RAP1GAP2: variants seen among roughly 807,000 people sequenced by gnomAD.
The protein encoded by RAP1GAP2 is RAP1 GTPase activating protein 2, also known as rap1 GTPase-activating protein 2.
In RAP1GAP2, 27 loss-of-function variants were observed where a neutral mutation model predicts 95.0. The ratio of observed to expected loss-of-function variants is 0.28; its 90% CI spans 0.21 to 0.39. The LOEUF (loss-of-function observed/expected upper bound fraction) is 0.39. Among genes scored for constraint, RAP1GAP2 ranks in the 10% least tolerant of loss-of-function variants. The pLI, the probability that RAP1GAP2 is intolerant of heterozygous loss-of-function variation, is 1.00. For synonymous variants in RAP1GAP2, 373 were observed against 380.9 expected (o/e 0.98, Z 0.24); for missense variants, 771 against 970.0 (o/e 0.79, Z 2.72).
intron 8 of RAP1GAP2, among the ~76,000 whole-genome samples, chr17:2,971,711 G>C (rs1321069025): frequency 1.3e-5 from 2 of 152,112 alleles, no homozygotes; most frequent in East Asian, 3.8e-4. Flanking sequence ...AAATTATTGA[G>C]TGCTTACATG....
intron 12 of RAP1GAP2, 22 bp from the exon 13 acceptor site, chr17:2,995,315 T>C: frequency 9.9e-6 from 16 of 1,611,542 alleles, no homozygotes; most frequent in Non-Finnish European, 1.4e-5. Flanking sequence ...TCTCCCCATC[T>C]CCTGCCCTGT....
At chr17:3,025,624 G>C (rs945991254) in intron 19 of RAP1GAP2, among the ~76,000 whole-genome samples, 3 of 152,128 alleles carry the variant, frequency 2.0e-5, no homozygotes, top group Non-Finnish European at 4.4e-5. Flanking sequence ...CCTGCGGTGG[G>C]GGCGGATGTC....
At chr17:2,874,950 CAGAG>C (rs887669832) in intron 2 of RAP1GAP2, among the ~76,000 whole-genome samples, 31 of 152,150 alleles carry the variant, frequency 2.0e-4, no homozygotes, top group African/African-American at 7.0e-4. Context: ...GAGAAAGAAA[CAGAG>C]AGAAAATTAA....
intron 2 of RAP1GAP2, among the ~76,000 whole-genome samples, chr17:2,829,345 G>A (rs1050303068): frequency 6.6e-6 from 1 of 152,070 alleles, no homozygotes; most frequent in South Asian, 2.1e-4. Flanking sequence ...TCAGGAAGGT[G>A]CTGTTTCTCA....
chr17:3,019,872 A>C (rs1231382929), intron 18 of RAP1GAP2, among the ~76,000 whole-genome samples: 1 of 152,044 alleles, frequency 6.6e-6, no homozygotes. Context: ...CCCTCCTCAA[A>C]CCCCCACCAC....
At chr17:2,894,578 G>T (rs1368443657) in intron 2 of RAP1GAP2, among the ~76,000 whole-genome samples, 1 of 151,984 alleles carries the variant, frequency 6.6e-6, no homozygotes, top group African/African-American at 2.4e-5. Flanking sequence ...TCCCATTTGG[G>T]TGTCCCAGGG....
At chr17:2,878,604 T>C (rs12103483) in intron 2 of RAP1GAP2, among the ~76,000 whole-genome samples, 3,958 of 152,266 alleles carry the variant, frequency 0.026, 178 homozygotes, top group African/African-American at 0.088. Context: ...CAGGGGTTTC[T>C]CTCGCTGGTT....
rs544283155 is a variant in RAP1GAP2, at chr17:2,756,283, G to T, written c.50+516G>T. ...GGGGTGTGCACTCTGGGGACAGGGC[G>T]CAGAGAAGGGGGCCTAGGAGACCAG... On this transcript the variant is annotated intron_variant, in intron 1 of 25. Transcript: ENST00000637138. Among the ~76,000 whole-genome samples, 3 of 152,364 alleles carry T rather than the reference G, an allele frequency of 2.0e-5. No individual in the cohort carries two copies. In the South Asian group the frequency reaches 6.2e-4, roughly 32 times the overall value.
Position 2,825,468 on chromosome 17 carries a change from C to T in RAP1GAP2, c.80+24918C>T, listed in dbSNP as rs1475737666. On this transcript the variant is annotated intron_variant, in intron 2 of 24. Coordinates refer to ENST00000254695, the MANE Select transcript of RAP1GAP2 (RefSeq NM_015085.5). This position sits in a 1 kb window ranked among gnomAD's most constrained non-coding sequence, Gnocchi z 4.1. ...AGGAGAAATGAAGCTGTTTGTTTAT[C>T]TGATGAATATTCATCGAGCTCCTAT... Among the ~76,000 whole-genome samples, 1 of 152,134 alleles carries T rather than the reference C, an allele frequency of 6.6e-6. No homozygotes were observed. Among genetic ancestry groups the T allele is most frequent in the Non-Finnish European group, 1.5e-5 (1 of 68,034 alleles).
At chr17:2,777,581 T>G (rs2068532617) in intron 1 of RAP1GAP2, among the ~76,000 whole-genome samples, 1 of 151,892 alleles carries the variant, frequency 6.6e-6, no homozygotes, top group African/African-American at 2.4e-5. Flanking sequence ...GTGTAGACTG[T>G]CCTCTGGCTT....
At chr17:2,771,925 C>T (rs1053584503) in intron 2 of RAP1GAP2, among the ~76,000 whole-genome samples, 8 of 152,112 alleles carry the variant, frequency 5.3e-5, no homozygotes, top group African/African-American at 1.9e-4. Flanking sequence ...GAAATAGAGT[C>T]TCACTGTGTT....
chr17:2,765,709 C>G (rs1159754304), intron 1 of RAP1GAP2, among the ~76,000 whole-genome samples: 1 of 151,672 alleles, frequency 6.6e-6, no homozygotes, highest in Non-Finnish European at 1.5e-5. Flanking sequence ...CGCCACTGCA[C>G]CCCAGACTGG....
intron 2 of RAP1GAP2, among the ~76,000 whole-genome samples, chr17:2,863,621 T>G (rs1220869139): frequency 6.6e-6 from 1 of 152,186 alleles, no homozygotes; most frequent in Non-Finnish European, 1.5e-5. Context: ...CTGAATGCTG[T>G]GTGGCAGGAT....
intron 4 of RAP1GAP2, 75 bp from the exon 5 acceptor site, chr17:2,962,595 G>A (rs2044386050): frequency 6.9e-7 from 1 of 1,453,114 alleles, no homozygotes; most frequent in Non-Finnish European, 9.4e-7. Flanking sequence ...CCCCCTGTAA[G>A]GCCAGGTGCT....
At position 2,904,530 on chromosome 17, in the gene RAP1GAP2, C is replaced by CTGTGTG. The variant is rs5818880; in HGVS notation, c.81-720_81-715dup. 0.25 allele frequency among the ~76,000 whole-genome samples: 31,958 copies of CTGTGTG among 128,920 alleles called. 4,625 individuals are homozygous for CTGTGTG. The highest frequency in any genetic ancestry group is 0.32 in the African/African-American group (11,137 of 35,040). The allele number at this position is 128,920 out of a possible 152,430, so 84.6% of individuals were successfully genotyped here. On this transcript the variant is annotated intron_variant, in intron 2 of 24. Transcript: ENST00000254695. This position sits in a 1 kb window ranked among gnomAD's most constrained non-coding sequence, Gnocchi z 4.7. Reference sequence around the variant, plus strand: ...CCGAGGACAGCTTTTTGACCAGGGCCTGTGTGTGTGTGTGTGTGTGTGTGT... The same window carrying CTGTGTG: ...CCGAGGACAGCTTTTTGACCAGGGCCTGTGTGTGTGTGTGTGTGTGTGTGTGTGTGT...
chr17:2,939,503 CAG>C (rs759071019), intron 3 of RAP1GAP2, among the ~76,000 whole-genome samples: 1 of 152,194 alleles, frequency 6.6e-6, no homozygotes, highest in Non-Finnish European at 1.5e-5. Flanking sequence ...TTTTCTTGCA[CAG>C]AGAGGGCTTC....
intron 17 of RAP1GAP2, among the ~76,000 whole-genome samples, chr17:3,009,299 GTGAA>G (rs2046435594): frequency 6.6e-6 from 1 of 152,230 alleles, no homozygotes; most frequent in Admixed American, 6.5e-5. Flanking sequence ...GTTGTATAAA[GTGAA>G]AGCTTCACAC....
At chr17:2,783,277 G>T (rs992968484) in intron 1 of RAP1GAP2, among the ~76,000 whole-genome samples, 2 of 152,130 alleles carry the variant, frequency 1.3e-5, no homozygotes, top group Non-Finnish European at 2.9e-5. Context: ...TAGCCATCTG[G>T]TCCCATTTGG....
At chr17:2,810,778 C>T (rs568619062) in intron 2 of RAP1GAP2, among the ~76,000 whole-genome samples, 34 of 152,254 alleles carry the variant, frequency 2.2e-4, no homozygotes, top group African/African-American at 4.6e-4. Context: ...ATCCGCCCGC[C>T]TCAGCCTCCC....
Sources: gnomAD v4.1 joint callset for allele counts (sites outside exome capture counted in the v4.1 genomes callset) on GRCh38, gnomAD v4.1.1 for gene constraint, Gnocchi (gnomAD v3.1) non-coding constraint, MANE v1.5 for transcripts, NCBI Gene and HGNC (gene_info 2026-07-23, HGNC 2026-07-21) for gene names.